Variants in GRK7 observed in about 807,000 individuals in gnomAD.
GRK7 encodes the protein rhodopsin kinase GRK7.
In GRK7, 24 loss-of-function variants were observed where a neutral mutation model predicts 34.1. That is an observed-to-expected ratio of 0.70 (90% confidence interval 0.51 to 0.99). The LOEUF (loss-of-function observed/expected upper bound fraction) is 0.99, where lower values mean the gene tolerates loss of function less well. Ranked by LOEUF, GRK7 falls within the 50% of genes least tolerant of loss-of-function variation. GRK7 has a pLI of 0.00. For synonymous variants in GRK7, 256 were observed against 279.4 expected (o/e 0.92, Z 0.84); for missense variants, 644 against 707.3 (o/e 0.91, Z 1.02).
rs758314021 is a variant in GRK7, at chr3:141,816,932, T to C, written c.1544T>C (p.Ile515Thr). The C allele has an allele frequency of 3.1e-6, 5 of 1,614,038 alleles. No homozygotes were observed. Among genetic ancestry groups the C allele is most frequent in the Non-Finnish European group, 4.2e-6 (5 of 1,179,944 alleles). ...AACTTTGCGACAGGTGCTGTTCCTA[T>C]AGCATGGCAGGAAGAAATTATAGAA... ...FKNFATGAVP[I>T]AWQEEIIETG... Residue 515 changes from isoleucine to threonine, a missense_variant, in exon 6 of 6, where the codon ATA (isoleucine) becomes ACA (threonine). By Grantham distance (89) the Ile-to-Thr change is moderately conservative (BLOSUM62 -1). Coordinates refer to ENST00000682958, the MANE Select transcript of GRK7 (RefSeq NM_139209.3).
At chr3:141,766,443 G>A (rs897671457) in intron 1 of GRK7, among the ~76,000 whole-genome samples, 29 of 152,038 alleles carry the variant, frequency 1.9e-4, no homozygotes, top group African/African-American at 7.0e-4. Context: ...GATTACAGGC[G>A]TGAGCCAACG....
chr3:141,816,786 A>C lies in GRK7; in HGVS notation c.1398A>C (p.Leu466=). 1 of 1,596,562 alleles carries C rather than the reference A, an allele frequency of 6.3e-7. No homozygotes were observed. Among genetic ancestry groups the C allele is most frequent in the Non-Finnish European group, 8.5e-7 (1 of 1,169,612 alleles). The change falls in exon 6 of 6, where the codon CTA becomes CTC. Residue 466 remains leucine (L), a synonymous_variant. Coordinates refer to ENST00000682958, the MANE Select transcript of GRK7 (RefSeq NM_139209.3). ...ACTTTCCTCGCCTGGAAGCTGGCCT[A>C]ATTGAACCCCCATTTGTGCCAGACC... ...TINFPRLEAG[L]IEPPFVPDPS...
intron 1 of GRK7, among the ~76,000 whole-genome samples, chr3:141,768,841 C>T (rs1347888015): frequency 6.6e-6 from 1 of 152,082 alleles, no homozygotes; most frequent in Non-Finnish European, 1.5e-5. Context: ...ATGCAGTTGG[C>T]CACTCTCTAC....
intron 4 of GRK7, among the ~76,000 whole-genome samples, chr3:141,782,816 A>G (rs1325456137): frequency 1.3e-5 from 2 of 152,208 alleles, no homozygotes; most frequent in East Asian, 1.9e-4. Flanking sequence ...AAAAAAGAAA[A>G]AAAAAAAAAG....
intron 4 of GRK7, among the ~76,000 whole-genome samples, chr3:141,796,582 A>G (rs1382429227): frequency 1.3e-5 from 2 of 152,204 alleles, no homozygotes; most frequent in African/African-American, 4.8e-5. Context: ...AGCAGTGGGC[A>G]GTGGGTGAGC....
At chr3:141,812,177 C>T (rs1441453604) in intron 5 of GRK7, among the ~76,000 whole-genome samples, 2 of 152,126 alleles carry the variant, frequency 1.3e-5, no homozygotes, top group Admixed American at 1.3e-4. Flanking sequence ...CCATTGTAAT[C>T]TCTGTGTGGG....
At chr3:141,779,087 G>T (rs2084657720) in intron 3 of GRK7, among the ~76,000 whole-genome samples, 191 bp downstream of exon 3, 1 of 152,136 alleles carries the variant, frequency 6.6e-6, no homozygotes, top group Admixed American at 6.6e-5. Context: ...CAAATGGCAT[G>T]AGAGAGACAA....
rs1477879509 is a variant in GRK7 at position 141,765,504 on chromosome 3, G to A, written c.-449G>A. 6.6e-6 allele frequency among the ~76,000 whole-genome samples: 1 copy of A among 152,152 alleles called. No individual in the cohort carries two copies. The highest frequency in any genetic ancestry group is 1.5e-5 in the Non-Finnish European group (1 of 68,028). On this transcript the variant is annotated 5_prime_UTR_variant, in exon 1 of 6. Coordinates refer to ENST00000682958, the MANE Select transcript of GRK7 (RefSeq NM_139209.3). Reference sequence around the variant, plus strand: ...AGCTACTCCTATCAACCTGGGCTAGGCTTGTGACCAGTAGAATGTGGCAGA... The same window carrying A: ...AGCTACTCCTATCAACCTGGGCTAGACTTGTGACCAGTAGAATGTGGCAGA...
At chr3:141,774,959 AT>A (rs953747694) in intron 2 of GRK7, among the ~76,000 whole-genome samples, 3 of 151,852 alleles carry the variant, frequency 2.0e-5, no homozygotes, top group African/African-American at 7.3e-5. Flanking sequence ...TGCCCAGCTT[AT>A]TTTTGTGTTT....
chr3:141,778,550 A>T lies in GRK7; in HGVS notation c.266A>T (p.Asp89Val). The T allele has an allele frequency of 1.2e-6, 2 of 1,613,334 alleles. No individual in the cohort carries two copies. The highest frequency in any genetic ancestry group is 8.5e-7 in the Non-Finnish European group (1 of 1,179,960). ...CGCAAGGCGGCAACCTTCCTAGAGG[A>T]CGTGCAGAACTGGGAGCTGGCCGAG... ...TFRKAATFLE[D>V]VQNWELAEEG... Residue 89 changes from aspartate to valine, a missense_variant, in exon 3 of 6, where the codon GAC becomes GTC. Physicochemically the swap from Asp to Val is radical, Grantham distance 152. Transcript: ENST00000682958. The surrounding 1 kb of genome is among the most constrained non-coding windows in gnomAD (Gnocchi z 4.1).
chr3:141,801,137 C>T lies in GRK7; in HGVS notation c.1051-6508C>T, dbSNP rs952805767. Among the ~76,000 whole-genome samples, 79 of 151,714 alleles carry T rather than the reference C, an allele frequency of 5.2e-4. 1 individual carries two copies. Among genetic ancestry groups the T allele is most frequent in the Non-Finnish European group, 1.3e-4 (9 of 67,940 alleles). ...CATCCTGGCTAACAGGGTGAAACCC[C>T]GTCTCTACTAAAAAATACAAAAAAT... is the stretch of plus-strand genomic sequence containing the variant. On this transcript the variant is annotated intron_variant, in intron 4 of 5. Coordinates refer to ENST00000682958, the MANE Select transcript of GRK7 (RefSeq NM_139209.3).
chr3:141,799,128 A>G (rs1208157606), intron 4 of GRK7, among the ~76,000 whole-genome samples: 1 of 152,176 alleles, frequency 6.6e-6, no homozygotes, highest in East Asian at 1.9e-4. Flanking sequence ...AAAATGGAGA[A>G]TTCACTGGGA....
At chr3:141,776,941 G>A (rs1383455571) in intron 2 of GRK7, among the ~76,000 whole-genome samples, 2 of 152,166 alleles carry the variant, frequency 1.3e-5, no homozygotes, top group South Asian at 2.1e-4. Context: ...TGGAGCAGAA[G>A]TTCTTAGCCT....
In GRK7 at chr3:141,790,385, C is replaced by T. The variant is rs192024567; in HGVS notation, c.1050+9574C>T. 1.2e-4 allele frequency among the ~76,000 whole-genome samples: 19 copies of T among 152,290 alleles called. No homozygotes were observed. The East Asian group carries it at 2.3e-3, about 19-fold the overall frequency. ...GCATGTGATGACATTAGCATATCTT[C>T]CCAGTCTGGTCTGATATGGACACCA... On this transcript the variant is annotated intron_variant, in intron 4 of 5. Transcript: ENST00000682958.
chr3:141,804,840 CACACAT>C (rs1438774374), intron 4 of GRK7, among the ~76,000 whole-genome samples: 1 of 151,792 alleles, frequency 6.6e-6, no homozygotes, highest in African/African-American at 2.4e-5. Flanking sequence ...CACTCACATG[CACACAT>C]ACACATACAC....
At chr3:141,750,016 CAAAA>C in the GRK7 span, among the ~76,000 whole-genome samples, 1 of 124,730 alleles carries the variant, frequency 8.0e-6, no homozygotes, top group East Asian at 2.3e-4. Context: ...GACTCCGTCT[CAAAA>C]AAAAAAAAAG....
At chr3:141,792,603 C>T (rs927664117) in intron 4 of GRK7, among the ~76,000 whole-genome samples, 5 of 152,036 alleles carry the variant, frequency 3.3e-5, no homozygotes, top group African/African-American at 4.8e-5. Flanking sequence ...AAAGAGGTTC[C>T]GGTGGTGTCT....
At position 141,764,009 on chromosome 3, in the gene GRK7, G is replaced by T. The variant is rs895307327; in HGVS notation, c.-1944G>T. Among the ~76,000 whole-genome samples the T allele has an allele frequency of 1.3e-5, 2 of 152,064 alleles. No homozygotes were observed. Among genetic ancestry groups the T allele is most frequent in the Non-Finnish European group, 2.9e-5 (2 of 68,010 alleles). ...GACGTCTTCATTTCTCTTCATTGCT[G>T]CTCTCCTTCCTTCCCTAAAAACACC... On this transcript the variant is annotated 5_prime_UTR_variant, in exon 1 of 6. Coordinates refer to ENST00000682958, the MANE Select transcript of GRK7 (RefSeq NM_139209.3).
At chr3:141,811,447 T>G (rs564685361) in intron 5 of GRK7, among the ~76,000 whole-genome samples, 2 of 152,350 alleles carry the variant, frequency 1.3e-5, no homozygotes, top group Non-Finnish European at 2.9e-5. Context: ...GTAAACACTT[T>G]AAAGCACACT....
Sources: allele counts gnomAD v4.1 joint callset (sites outside exome capture counted in the v4.1 genomes callset), GRCh38; gene constraint gnomAD v4.1.1; non-coding constraint Gnocchi (gnomAD v3.1); transcripts MANE v1.5; gene names NCBI Gene and HGNC (gene_info 2026-07-23, HGNC 2026-07-21).